Variants in SPAG16 observed in about 807,000 individuals in gnomAD.
SPAG16 encodes the protein sperm-associated antigen 16 protein.
Under a neutral mutation model 80.4 loss-of-function variants are expected in SPAG16, and 86 were observed. That is an observed-to-expected ratio of 1.07 (90% confidence interval 0.90 to 1.28). The LOEUF is 1.28. Ranked by LOEUF, SPAG16 falls within the 50% of genes most tolerant of loss-of-function variation. The pLI is 0.00. For synonymous variants in SPAG16, 294 were observed against 265.9 expected, an observed-to-expected ratio of 1.11 and a Z score of -1.03; for missense variants, 870 against 765.3, an observed-to-expected ratio of 1.14 and a Z score of -1.61.
chr2:214,243,188 T>C (rs932030103), intron 15 of SPAG16, among the ~76,000 whole-genome samples: 1 of 152,074 alleles, frequency 6.6e-6, no homozygotes, highest in African/African-American at 2.4e-5. Context: ...TTTAATCAAA[T>C]TGACTGTAGA....
intron 10 of SPAG16, among the ~76,000 whole-genome samples, chr2:213,800,294 A>G (rs2662662): frequency 0.93 from 138,022 of 149,036 alleles, 64,749 homozygotes; most frequent in East Asian, 1. Flanking sequence ...GTCTCCCTAT[A>G]TTTCCCTCCC....
At chr2:213,859,473 T>C (rs951570635) in intron 10 of SPAG16, among the ~76,000 whole-genome samples, 4 of 152,126 alleles carry the variant, frequency 2.6e-5, no homozygotes, top group Admixed American at 6.6e-5. Context: ...TACAATACAC[T>C]GGCAATTTCT....
chr2:213,643,764 CTTCT>C (rs2062714237), intron 10 of SPAG16, among the ~76,000 whole-genome samples: 2 of 115,998 alleles, frequency 1.7e-5, no homozygotes, highest in African/African-American at 3.4e-5. Context: ...AAGCTCACTA[CTTCT>C]TTTTTTTTTT....
At chr2:214,377,193 GCA>G (rs1019426894) in intron 15 of SPAG16, among the ~76,000 whole-genome samples, 2 of 152,080 alleles carry the variant, frequency 1.3e-5, no homozygotes, top group African/African-American at 4.8e-5. Context: ...TCGGTAAGTT[GCA>G]GATCCCAATA....
intron 10 of SPAG16, among the ~76,000 whole-genome samples, chr2:213,802,233 G>A (rs1461142184): frequency 1.3e-5 from 2 of 152,118 alleles, no homozygotes; most frequent in African/African-American, 4.8e-5. Flanking sequence ...TCTCCTCTGT[G>A]GTCAGAAGAT....
chr2:213,596,111 A>ATAG (rs2060878309), intron 10 of SPAG16, among the ~76,000 whole-genome samples: 1 of 152,102 alleles, frequency 6.6e-6, no homozygotes, highest in African/African-American at 2.4e-5. Flanking sequence ...GATCAAACTG[A>ATAG]TAGCATATCA....
intron 10 of SPAG16, among the ~76,000 whole-genome samples, chr2:213,654,685 C>T (rs147577141): frequency 0.059 from 8,943 of 151,072 alleles, 880 homozygotes; most frequent in African/African-American, 0.2. Context: ...CCACTGCACT[C>T]CACCCTGGGT....
chr2:213,340,812 CCTT>C (rs1446600384), intron 6 of SPAG16, among the ~76,000 whole-genome samples: 2 of 152,064 alleles, frequency 1.3e-5, no homozygotes, highest in Admixed American at 6.6e-5. Context: ...TACTTTCTCT[CCTT>C]CTTTACCTTC....
At position 214,210,519 on chromosome 2, in the gene SPAG16, C is replaced by T. The variant is rs182003837; in HGVS notation, c.1720+61253C>T. On this transcript the variant is annotated intron_variant, in intron 15 of 15. Coordinates refer to ENST00000331683, the MANE Select transcript of SPAG16 (RefSeq NM_024532.5). ...GAGTCAAAATTTATGTGTGGATTTT[C>T]TATTTCCTGGGGGTTTTGTGCTCTT... Among the ~76,000 whole-genome samples, 47 of 152,106 alleles carry T rather than the reference C, an allele frequency of 3.1e-4. No homozygotes were observed. In the East Asian group the frequency reaches 8.5e-3, roughly 28 times the overall value.
intron 15 of SPAG16, chr2:214,280,910 G>A (rs1057106979): frequency 5.6e-5 from 24 of 428,756 alleles, no homozygotes; most frequent in Admixed American, 3.1e-4. Flanking sequence ...TGTAATCTGC[G>A]ACATTCTGGC....
In SPAG16 at chr2:213,557,394, T is replaced by C. The variant is rs372495058; in HGVS notation, c.1070+67304T>C. 7.2e-5 allele frequency among the ~76,000 whole-genome samples: 11 copies of C among 152,180 alleles called. No homozygotes were observed. The East Asian group carries it at 1.3e-3, about 19-fold the overall frequency. Reference sequence around the variant, plus strand: ...GAAAATTGTAAACCTTTCAAATATTTTGGCTTATTGACTACATTTTCATGA... The same window carrying C: ...GAAAATTGTAAACCTTTCAAATATTCTGGCTTATTGACTACATTTTCATGA... On this transcript the variant is annotated intron_variant, in intron 10 of 15. Transcript: ENST00000331683.
intron 10 of SPAG16, among the ~76,000 whole-genome samples, chr2:213,858,470 T>C (rs922916811): frequency 1.3e-5 from 2 of 152,200 alleles, no homozygotes; most frequent in Non-Finnish European, 2.9e-5. Context: ...TCATTGTCAG[T>C]TTAGACATAA....
chr2:213,775,015 A>G (rs2069487260), intron 10 of SPAG16, among the ~76,000 whole-genome samples: 1 of 152,104 alleles, frequency 6.6e-6, no homozygotes, highest in Non-Finnish European at 1.5e-5. Flanking sequence ...TATTGTTTCT[A>G]AATTTTCTCA....
chr2:213,808,498 TAAG>T (rs1265066824), intron 10 of SPAG16, among the ~76,000 whole-genome samples: 5 of 152,228 alleles, frequency 3.3e-5, no homozygotes, highest in African/African-American at 7.2e-5. Flanking sequence ...TAAAGATTTT[TAAG>T]AAGAAGTTCA....
At chr2:214,276,892 A>G (rs1423594354) in intron 15 of SPAG16, among the ~76,000 whole-genome samples, 1 of 151,798 alleles carries the variant, frequency 6.6e-6, no homozygotes, top group Admixed American at 6.6e-5. Flanking sequence ...GTGTTTTCCA[A>G]CTTGGTTCCA....
chr2:213,522,788 T>G (rs943263430), intron 10 of SPAG16, among the ~76,000 whole-genome samples: 4 of 143,292 alleles, frequency 2.8e-5, no homozygotes, highest in African/African-American at 1.0e-4. Context: ...TGCCCAAAAC[T>G]TACATGCCAA....
chr2:214,062,943 T>C (rs2050348556), intron 13 of SPAG16, among the ~76,000 whole-genome samples: 1 of 152,140 alleles, frequency 6.6e-6, no homozygotes, highest in Non-Finnish European at 1.5e-5. Context: ...AATTTTAAAG[T>C]TTTTAGTAGC....
intron 11 of SPAG16, among the ~76,000 whole-genome samples, chr2:213,877,906 A>C (rs1214817622): frequency 6.6e-6 from 1 of 152,090 alleles, no homozygotes. Flanking sequence ...CTGCAACCAC[A>C]CTGTCACTAT....
At chr2:214,235,757 A>G (rs1376026488) in intron 15 of SPAG16, among the ~76,000 whole-genome samples, 1 of 152,290 alleles carries the variant, frequency 6.6e-6, no homozygotes, top group Middle Eastern at 3.4e-3. Context: ...GGTTTAAACT[A>G]TGTAGGTTTT....
Sources: allele counts gnomAD v4.1 joint callset (sites outside exome capture counted in the v4.1 genomes callset), GRCh38; gene constraint gnomAD v4.1.1; transcripts MANE v1.5; gene names NCBI Gene and HGNC (gene_info 2026-07-23, HGNC 2026-07-21).